CTIF: variants seen among roughly 807,000 people sequenced by gnomAD.
CTIF encodes CBP80/20-dependent translation initiation factor.
In CTIF, 21 loss-of-function variants were observed where a neutral mutation model predicts 66.0. The observed-to-expected ratio is 0.32, with a 90% CI of 0.23 to 0.46. CTIF has a LOEUF of 0.46. CTIF is among the 20% of genes least tolerant of loss of function. The pLI, the probability that CTIF is intolerant of heterozygous loss-of-function variation, is 1.00. For synonymous variants in CTIF, 345 were observed against 326.4 expected (o/e 1.06, Z -0.62); for missense variants, 739 against 812.7 (o/e 0.91, Z 1.10).
At chr18:48,775,591 G>A (rs2146000947) in intron 9 of CTIF, among the ~76,000 whole-genome samples, 1 of 152,370 alleles carries the variant, frequency 6.6e-6, no homozygotes, top group East Asian at 1.9e-4. Context: ...GCTCAGTACT[G>A]TGAAACCCCA....
At chr18:48,541,062 C>T (rs1388745007) in intron 1 of CTIF, among the ~76,000 whole-genome samples, 2 of 152,206 alleles carry the variant, frequency 1.3e-5, no homozygotes, top group Non-Finnish European at 2.9e-5. Flanking sequence ...GCGCCGCCCC[C>T]AGTCCACGCT....
chr18:48,777,759 T>C (rs1434047182), intron 9 of CTIF, among the ~76,000 whole-genome samples: 1 of 152,240 alleles, frequency 6.6e-6, no homozygotes, highest in Non-Finnish European at 1.5e-5. Context: ...GGAAGAGCCC[T>C]GGCTGTCAAC....
At chr18:48,723,976 A>C (rs577411364) in intron 7 of CTIF, among the ~76,000 whole-genome samples, 25 of 152,328 alleles carry the variant, frequency 1.6e-4, no homozygotes, top group African/African-American at 6.0e-4. Context: ...ATAGGCCCTC[A>C]AGTTCCCAGA....
chr18:48,757,961 T>C lies in CTIF; in HGVS notation c.627T>C (p.His209=), dbSNP rs1908558557. Reference sequence around the variant, plus strand: ...CGGGGGGCAACAAGCCCCAACAGCATGGTGACCACCAGCCAGGCAGTGCCA... The same window carrying C: ...CGGGGGGCAACAAGCCCCAACAGCACGGTGACCACCAGCCAGGCAGTGCCA... ...RPPGGNKPQQ[H]GDHQPGSAKH... Residue 209 remains histidine (H), a synonymous_variant, in exon 8 of 12, where the codon CAT becomes CAC. Transcript: ENST00000256413. The C allele has an allele frequency of 6.2e-7, 1 of 1,613,726 alleles. No individual in the cohort carries two copies. Among genetic ancestry groups the C allele is most frequent in the East Asian group, 2.2e-5 (1 of 44,862 alleles).
chr18:48,583,933 C>A (rs2089715003), intron 1 of CTIF, among the ~76,000 whole-genome samples: 1 of 152,228 alleles, frequency 6.6e-6, no homozygotes, highest in Non-Finnish European at 1.5e-5. Flanking sequence ...AAAACACATA[C>A]TTTGTAGAAA....
At chr18:48,758,538 G>T in intron 8 of CTIF, 133 bp downstream of exon 8, 2 of 1,172,130 alleles carry the variant, frequency 1.7e-6, no homozygotes, top group South Asian at 1.5e-5. Context: ...GGAAGCAGGG[G>T]CTTCGGTCAC....
chr18:48,822,425 C>T (rs1390093674), intron 10 of CTIF, among the ~76,000 whole-genome samples: 1 of 151,990 alleles, frequency 6.6e-6, no homozygotes, highest in Non-Finnish European at 1.5e-5. Context: ...ACTGTGCTAT[C>T]AAACATTAGA....
intron 1 of CTIF, among the ~76,000 whole-genome samples, chr18:48,595,664 C>G (rs553082207): frequency 6.6e-6 from 1 of 152,116 alleles, no homozygotes; most frequent in Admixed American, 6.5e-5. Flanking sequence ...TGGACTCAAG[C>G]GATCCTCCCA....
chr18:48,661,216 C>T (rs973074462), intron 3 of CTIF, among the ~76,000 whole-genome samples: 2 of 152,146 alleles, frequency 1.3e-5, no homozygotes, highest in Non-Finnish European at 2.9e-5. Flanking sequence ...AGAGGTGATC[C>T]ACTGAAGCTG....
rs912015710 is a variant in CTIF at position 48,631,167 on chromosome 18, C to T, written c.181-5447C>T. Among the ~76,000 whole-genome samples, 6 of 152,222 alleles carry T rather than the reference C, an allele frequency of 3.9e-5. No individual in the cohort carries two copies. The East Asian group carries it at 1.2e-3, about 29-fold the overall frequency. On this transcript the variant is annotated intron_variant, in intron 2 of 11. Coordinates refer to ENST00000256413, the MANE Select transcript of CTIF (RefSeq NM_014772.3). ...GGGTCTCCCCAATCTTTCCCAATCT[C>T]TGCTCATAAAACACTGGCCGGGTGT...
intron 7 of CTIF, among the ~76,000 whole-genome samples, chr18:48,739,766 T>C (rs4939557): frequency 0.6 from 91,931 of 152,104 alleles, 28,571 homozygotes; most frequent in East Asian, 0.81. Context: ...GTTTCAAAGC[T>C]CACAAATTCC....
intron 1 of CTIF, among the ~76,000 whole-genome samples, chr18:48,540,982 C>T (rs1228718646): frequency 1.3e-5 from 2 of 152,148 alleles, no homozygotes; most frequent in Non-Finnish European, 2.9e-5. Context: ...GCCCCTCCCT[C>T]CGCGTCCGCG....
chr18:48,665,076 G>A (rs910072643), intron 5 of CTIF, among the ~76,000 whole-genome samples: 7 of 151,796 alleles, frequency 4.6e-5, no homozygotes, highest in African/African-American at 1.2e-4. Flanking sequence ...CACCGCGCCC[G>A]GCTAATTTTT....
At chr18:48,709,153 A>C (rs773420048) in intron 6 of CTIF, among the ~76,000 whole-genome samples, 30 of 152,362 alleles carry the variant, frequency 2.0e-4, no homozygotes, top group Middle Eastern at 3.4e-3. Flanking sequence ...AGGCACATAG[A>C]GGTTAGGTCA....
At chr18:48,599,667 T>C (rs2144111472) in intron 1 of CTIF, among the ~76,000 whole-genome samples, 1 of 152,290 alleles carries the variant, frequency 6.6e-6, no homozygotes, top group East Asian at 1.9e-4. Context: ...ACTGTCCCCC[T>C]CATGCCAGCA....
rs112747502 is a variant in CTIF at position 48,610,499 on chromosome 18, C to T, written c.-28-9039C>T. On this transcript the variant is annotated intron_variant, in intron 1 of 11. Coordinates refer to ENST00000256413, the MANE Select transcript of CTIF (RefSeq NM_014772.3). ...GGTTGCTGTTTCAGTGTTCTTCCTC[C>T]GAGAGGAAGTGCTCATCAGGAGCCA... Among the ~76,000 whole-genome samples the T allele has an allele frequency of 2.8e-3, 419 of 152,252 alleles. 1 individual carries two copies. The highest frequency in any genetic ancestry group is 9.4e-3 in the African/African-American group (391 of 41,552).
At chr18:48,636,535 G>A (rs934980515) in intron 2 of CTIF, 79 bp from the exon 3 acceptor site, 1 of 1,072,756 alleles carries the variant, frequency 9.3e-7, no homozygotes, top group Non-Finnish European at 1.3e-6. Context: ...GAAGGCCAGG[G>A]CACAACTCCT....
chr18:48,749,766 G>A (rs1907620237), intron 7 of CTIF, among the ~76,000 whole-genome samples: 1 of 152,236 alleles, frequency 6.6e-6, no homozygotes, highest in Admixed American at 6.5e-5. Context: ...TGTAGCGTCA[G>A]GATTTGAACT....
intron 6 of CTIF, among the ~76,000 whole-genome samples, chr18:48,671,388 G>T (rs1031270496): frequency 1.3e-5 from 2 of 152,186 alleles, no homozygotes; most frequent in Non-Finnish European, 2.9e-5. Flanking sequence ...ACCTTCCACA[G>T]TGACTGAGTC....
Sources: allele counts gnomAD v4.1 joint callset (sites outside exome capture counted in the v4.1 genomes callset), GRCh38; gene constraint gnomAD v4.1.1; transcripts MANE v1.5; gene names NCBI Gene and HGNC (gene_info 2026-07-23, HGNC 2026-07-21).